CDH17: variants seen among roughly 807,000 people sequenced by gnomAD.
CDH17 encodes cadherin-17.
In CDH17, 67 loss-of-function variants were observed where a neutral mutation model predicts 86.3. The ratio of observed to expected loss-of-function variants is 0.78; its 90% CI spans 0.64 to 0.95. CDH17 has a LOEUF of 0.95. CDH17 is among the 40% of genes least tolerant of loss of function. The pLI is 0.00. For synonymous variants in CDH17, 367 were observed against 366.4 expected (o/e 1.00, Z -0.02); for missense variants, 993 against 1,017.6 (o/e 0.98, Z 0.33).
intron 8 of CDH17, 98 bp downstream of exon 8, chr8:94,170,756 G>T: frequency 7.8e-7 from 1 of 1,276,734 alleles, no homozygotes. Context: ...TGAAATGTGT[G>T]TTTTTTTTTT....
At chr8:94,159,360 C>T (rs1026574143) in intron 12 of CDH17, among the ~76,000 whole-genome samples, 1 of 152,078 alleles carries the variant, frequency 6.6e-6, no homozygotes, top group African/African-American at 2.4e-5. Context: ...AGTAAAGCAG[C>T]GGAGAGGGGG....
chr8:94,154,665 C>G (rs999751501), intron 12 of CDH17, among the ~76,000 whole-genome samples: 1 of 152,166 alleles, frequency 6.6e-6, no homozygotes, highest in Non-Finnish European at 1.5e-5. Flanking sequence ...TTCTCCGTGT[C>G]GGCTTCCTGA....
chr8:94,158,048 A>G (rs1812979249), intron 12 of CDH17, among the ~76,000 whole-genome samples: 1 of 152,110 alleles, frequency 6.6e-6, no homozygotes. Context: ...GGTTGAACAA[A>G]TCCACTTGCT....
intron 10 of CDH17, among the ~76,000 whole-genome samples, 189 bp from the exon 11 acceptor site, chr8:94,162,351 C>A (rs1813071480): frequency 1.3e-5 from 2 of 152,152 alleles, no homozygotes; most frequent in African/African-American, 4.8e-5. Flanking sequence ...AAGTGTGGGG[C>A]AGGGTGGCTA....
intron 15 of CDH17, among the ~76,000 whole-genome samples, chr8:94,134,767 G>C (rs1243381435): frequency 1.3e-5 from 2 of 152,058 alleles, no homozygotes; most frequent in African/African-American, 2.4e-5. Context: ...GTCAATTTTA[G>C]ATCTTTCCTG....
chr8:94,194,472 A>T (rs1252168884), intron 2 of CDH17, among the ~76,000 whole-genome samples, 163 bp downstream of exon 2: 2 of 152,244 alleles, frequency 1.3e-5, no homozygotes, highest in Non-Finnish European at 2.9e-5. Flanking sequence ...TTCATCGAAA[A>T]TATCACAGTG....
chr8:94,150,754 T>C (rs1812840587), intron 13 of CDH17, among the ~76,000 whole-genome samples: 2 of 152,250 alleles, frequency 1.3e-5, no homozygotes, highest in African/African-American at 4.8e-5. Context: ...TTCACGTCTT[T>C]GACCAATGGT....
intron 15 of CDH17, among the ~76,000 whole-genome samples, chr8:94,145,658 C>T (rs1013773896): frequency 6.6e-6 from 1 of 152,100 alleles, no homozygotes; most frequent in Non-Finnish European, 1.5e-5. Flanking sequence ...TGCTTTCCAT[C>T]TGTCATTGAA....
At chr8:94,180,335 G>T (rs1174769351) in intron 3 of CDH17, among the ~76,000 whole-genome samples, 2 of 151,904 alleles carry the variant, frequency 1.3e-5, no homozygotes, top group Non-Finnish European at 2.9e-5. Flanking sequence ...GTTCCAGAAG[G>T]AAAGGAAAAA....
At chr8:94,161,361 G>C (rs1813047768) in intron 11 of CDH17, among the ~76,000 whole-genome samples, 1 of 151,970 alleles carries the variant, frequency 6.6e-6, no homozygotes, top group South Asian at 2.1e-4. Context: ...TTTGATTTAT[G>C]AACATCATCA....
intron 1 of CDH17, among the ~76,000 whole-genome samples, chr8:94,200,374 A>ACTAC (rs1441907954): frequency 1.3e-5 from 2 of 151,968 alleles, no homozygotes; most frequent in Non-Finnish European, 2.9e-5. Flanking sequence ...TTTTATCTGA[A>ACTAC]CTACCTGTAA....
At chr8:94,176,489 C>G in intron 5 of CDH17, 52 bp downstream of exon 5, 1 of 1,600,654 alleles carries the variant, frequency 6.2e-7, no homozygotes, top group Non-Finnish European at 8.5e-7. Context: ...CTGCCCCTTC[C>G]ACCTGACACC....
At chr8:94,134,890 T>C (rs113861995) in intron 15 of CDH17, among the ~76,000 whole-genome samples, 1 of 152,230 alleles carries the variant, frequency 6.6e-6, no homozygotes, top group African/African-American at 2.4e-5. Context: ...AAAAAACATC[T>C]TTATTTTCTG....
At chr8:94,135,082 T>C (rs1228057071) in intron 15 of CDH17, among the ~76,000 whole-genome samples, 1 of 152,162 alleles carries the variant, frequency 6.6e-6, no homozygotes, top group Non-Finnish European at 1.5e-5. Flanking sequence ...CTTCCAATTA[T>C]ATGGTCAATT....
At chr8:94,160,968 T>C (rs898559260) in intron 11 of CDH17, among the ~76,000 whole-genome samples, 4 of 152,106 alleles carry the variant, frequency 2.6e-5, no homozygotes, top group Non-Finnish European at 4.4e-5. Flanking sequence ...CTAGACCATC[T>C]CCCACTCCAC....
At chr8:94,206,722 G>A (rs1422598498) in intron 1 of CDH17, among the ~76,000 whole-genome samples, 8 of 148,490 alleles carry the variant, frequency 5.4e-5, no homozygotes, top group Non-Finnish European at 1.0e-4. Flanking sequence ...ACTCACTGCA[G>A]CCTCAACCTC....
intron 15 of CDH17, among the ~76,000 whole-genome samples, chr8:94,136,427 G>A (rs1432053801): frequency 6.6e-6 from 1 of 152,024 alleles, no homozygotes; most frequent in Non-Finnish European, 1.5e-5. Context: ...CCACTTGATT[G>A]AATCAGCTAC....
chr8:94,189,983 C>T (rs1440688867), intron 2 of CDH17, among the ~76,000 whole-genome samples: 1 of 152,098 alleles, frequency 6.6e-6, no homozygotes, highest in African/African-American at 2.4e-5. Context: ...AGACCCTAAA[C>T]TTGAAAGCTA....
chr8:94,151,974 G>T lies in CDH17; in HGVS notation c.1690C>A (p.Pro564Thr). Residue 564 changes from proline (P) to threonine (T), a missense_variant, in exon 13 of 18, where the codon CCT becomes ACT. Pro to Thr is a conservative substitution (Grantham distance 38, BLOSUM62 -1). Coordinates refer to ENST00000027335, the MANE Select transcript of CDH17 (RefSeq NM_004063.4). ...TLIVTDVNEA[P>T]QFSQHVFQAK... ...TGGAATACGTGTTGGGAAAATTGAG[G>T]TGCTTCATTCACATCTGTCACAATA... is the stretch of plus-strand genomic sequence containing the variant. 2 of 1,614,176 alleles carry T rather than the reference G, an allele frequency of 1.2e-6. No individual in the cohort carries two copies. The highest frequency in any genetic ancestry group is 1.7e-6 in the Non-Finnish European group (2 of 1,180,022).
Sources: gnomAD v4.1 joint callset for allele counts (sites outside exome capture counted in the v4.1 genomes callset) on GRCh38, gnomAD v4.1.1 for gene constraint, MANE v1.5 for transcripts, NCBI Gene and HGNC (gene_info 2026-07-23, HGNC 2026-07-21) for gene names.